TXNL1: variants seen among roughly 807,000 people sequenced by gnomAD.
TXNL1 encodes the protein thioredoxin-like protein 1.
A neutral mutation model predicts 35.5 loss-of-function variants in TXNL1; 14 were observed. The ratio of observed to expected loss-of-function variants is 0.39; its 90% CI spans 0.26 to 0.62. The LOEUF is 0.62. TXNL1 is among the 20% of genes least tolerant of loss of function. The probability of loss-of-function intolerance (pLI) is 0.47; values close to 1 mark genes in which losing one functional copy is unlikely to be tolerated. For synonymous variants in TXNL1, 110 were observed against 115.5 expected, an observed-to-expected ratio of 0.95 and a Z score of 0.31; for missense variants, 263 against 349.7, an observed-to-expected ratio of 0.75 and a Z score of 1.98.
At chr18:56,603,749 G>T (rs1300160419) in intron 7 of TXNL1, among the ~76,000 whole-genome samples, 1 of 152,068 alleles carries the variant, frequency 6.6e-6, no homozygotes, top group Non-Finnish European at 1.5e-5. Context: ...ATTCTCTGCA[G>T]GAGAGTTTGA....
chr18:56,602,995 T>A lies in TXNL1; in HGVS notation c.*32A>T, dbSNP rs769524156. 1 of 1,612,540 alleles carries A rather than the reference T, an allele frequency of 6.2e-7. No homozygotes were observed. The highest frequency in any genetic ancestry group is 2.2e-5 in the East Asian group (1 of 44,818). ...AATTATCCAGGAGCTGTAGATCTGA[T>A]TGCAATATGGTTGTCCAGTGTCTTT... On this transcript the variant is annotated 3_prime_UTR_variant, in exon 8 of 8. Coordinates refer to ENST00000217515, the MANE Select transcript of TXNL1 (RefSeq NM_004786.3).
In TXNL1 at chr18:56,610,916, T is replaced by C. The variant is rs1014438253; in HGVS notation, c.840+77A>G. 42 of 937,240 alleles carry C rather than the reference T, an allele frequency of 4.5e-5. No individual in the cohort carries two copies. In the Admixed American group the frequency reaches 1.3e-3, roughly 28 times the overall value. The allele number at this position is 937,240 out of a possible 1,614,324, so 58.1% of individuals were successfully genotyped here. ...TGAATTATTTTGTTAAAAGAAAGTGTGACAGTTGAGATACATGAAATTATT... is the reference window on the plus strand; with the variant it reads ...TGAATTATTTTGTTAAAAGAAAGTGCGACAGTTGAGATACATGAAATTATT... On this transcript the variant is annotated intron_variant, in intron 7 of 7. Transcript: ENST00000217515.
intron 1 of TXNL1, among the ~76,000 whole-genome samples, chr18:56,635,771 G>A (rs1308279038): frequency 1.3e-5 from 2 of 152,086 alleles, no homozygotes; most frequent in African/African-American, 4.8e-5. Context: ...TGGGTATCTG[G>A]GGGATTAGTT....
intron 7 of TXNL1, among the ~76,000 whole-genome samples, 155 bp from the exon 8 acceptor site, chr18:56,603,211 A>T (rs946662665): frequency 6.7e-6 from 1 of 149,400 alleles, no homozygotes; most frequent in Non-Finnish European, 1.5e-5. Flanking sequence ...GCAAACTGTG[A>T]CCTCCCCTCC....
intron 6 of TXNL1, among the ~76,000 whole-genome samples, chr18:56,614,120 T>A (rs1378669430): frequency 1.3e-5 from 2 of 152,198 alleles, no homozygotes. Context: ...ATACCAGGTA[T>A]AAAGAATAAA....
intron 3 of TXNL1, 109 bp downstream of exon 3, chr18:56,624,179 C>A (rs1218490229): frequency 4.0e-6 from 5 of 1,244,800 alleles, no homozygotes. Flanking sequence ...TAAAAGTATT[C>A]TAAACCAGTA....
In TXNL1 at chr18:56,602,754, C is replaced by T. The variant is rs1255373734; in HGVS notation, c.*273G>A. On this transcript the variant is annotated 3_prime_UTR_variant, in exon 8 of 8. Coordinates refer to ENST00000217515, the MANE Select transcript of TXNL1 (RefSeq NM_004786.3). ...ATACTACCAGACACTTAAGTCTCTA[C>T]TAAAATCAGAAGTTAACCAGTTTTC... 3.7e-6 allele frequency: 2 copies of T among 536,342 alleles called. No homozygotes were observed. The highest frequency in any genetic ancestry group is 3.3e-5 in the East Asian group (1 of 30,662). 33.2% of individuals were successfully genotyped at this position (536,342 alleles called of 1,614,324 possible).
At chr18:56,613,685 G>A (rs1021558024) in intron 6 of TXNL1, among the ~76,000 whole-genome samples, 2 of 152,038 alleles carry the variant, frequency 1.3e-5, no homozygotes, top group Non-Finnish European at 2.9e-5. Context: ...GAGGTGGCAC[G>A]TGCCTGCGGT....
intron 1 of TXNL1, among the ~76,000 whole-genome samples, chr18:56,633,446 CAAAAAA>C (rs57445949): frequency 1.3e-5 from 1 of 74,374 alleles, no homozygotes; most frequent in Non-Finnish European, 2.6e-5. Flanking sequence ...GACTCTGTCT[CAAAAAA>C]AAAAAAAAAA....
chr18:56,630,409 A>G (rs2024352619), intron 1 of TXNL1, among the ~76,000 whole-genome samples: 1 of 152,222 alleles, frequency 6.6e-6, no homozygotes, highest in South Asian at 2.1e-4. Flanking sequence ...GAGAAAATGC[A>G]ACACTGAAAA....
rs199826655 is a variant in TXNL1, at chr18:56,624,229, C to T, written c.369+59G>A. ...GAAACATAGTTATATTTCATTTTAGCCCAATAATGACATGTACAAGATATT... is the reference window on the plus strand; with the variant it reads ...GAAACATAGTTATATTTCATTTTAGTCCAATAATGACATGTACAAGATATT... On this transcript the variant is annotated intron_variant, in intron 3 of 7. Coordinates refer to ENST00000217515, the MANE Select transcript of TXNL1 (RefSeq NM_004786.3). The T allele has an allele frequency of 8.7e-5, 129 of 1,479,776 alleles. No individual in the cohort carries two copies. In the East Asian group the frequency reaches 2.8e-3, roughly 32 times the overall value. 91.7% of individuals were successfully genotyped at this position (1,479,776 alleles called of 1,614,324 possible). A position where few individuals can be genotyped will look rare whatever the true frequency, so the allele number is the denominator to read the frequency against.
intron 3 of TXNL1, among the ~76,000 whole-genome samples, chr18:56,623,895 C>T (rs1323885296): frequency 6.7e-6 from 1 of 150,002 alleles, no homozygotes; most frequent in African/African-American, 2.5e-5. Flanking sequence ...GAGTTAATGG[C>T]CATAACTAAA....
intron 1 of TXNL1, among the ~76,000 whole-genome samples, chr18:56,629,604 AAGAC>A (rs772686148): frequency 1.3e-5 from 2 of 152,332 alleles, no homozygotes; most frequent in African/African-American, 4.8e-5. Flanking sequence ...AGGGGGTAAA[AAGAC>A]AGAGACAGGC....
chr18:56,606,261 C>T (rs2023891339), intron 7 of TXNL1, among the ~76,000 whole-genome samples: 1 of 152,070 alleles, frequency 6.6e-6, no homozygotes, highest in Non-Finnish European at 1.5e-5. Context: ...CCTGTAGTCC[C>T]AGCTGCTACA....
chr18:56,626,282 GAT>G, intron 2 of TXNL1, 77 bp downstream of exon 2: 3 of 1,542,622 alleles, frequency 1.9e-6, no homozygotes, highest in Non-Finnish European at 2.6e-6. Flanking sequence ...TGCATCAAGA[GAT>G]AAATGAAGAA....
rs932523729 is a variant in TXNL1, at chr18:56,611,131, T to G, written c.736-34A>C. 58 of 1,340,164 alleles carry G rather than the reference T, an allele frequency of 4.3e-5. 1 individual carries two copies. In the East Asian group the frequency reaches 1.4e-3, roughly 32 times the overall value. 83.0% of individuals were successfully genotyped at this position (1,340,164 alleles called of 1,614,324 possible). ...AAAAAGTTTGCATTTATAATTACAA[T>G]CCTTCTTCACAAACATGCTTTAAGT... On this transcript the variant is annotated intron_variant, in intron 6 of 7. Transcript: ENST00000217515.
chr18:56,600,542 G>T lies in TXNL1; in HGVS notation c.*2485C>A, dbSNP rs922870689. Reference sequence around the variant, plus strand: ...GAGACTGGGGAACAACGTGGGGCAGGTTTCAACTCTAATTGTTATGTGGCT... The same window carrying T: ...GAGACTGGGGAACAACGTGGGGCAGTTTTCAACTCTAATTGTTATGTGGCT... On this transcript the variant is annotated 3_prime_UTR_variant, in exon 8 of 8. Coordinates refer to ENST00000217515, the MANE Select transcript of TXNL1 (RefSeq NM_004786.3). 12 of 151,838 alleles carry T rather than the reference G, an allele frequency of 7.9e-5. 1 individual carries two copies. The highest frequency in any genetic ancestry group is 2.9e-4 in the African/African-American group (12 of 41,158). 9.4% of individuals were successfully genotyped at this position (151,838 alleles called of 1,614,324 possible).
chr18:56,638,427 T>G lies in TXNL1; in HGVS notation c.14A>C (p.Lys5Thr). The change falls in exon 1 of 8, where the codon AAG (lysine) becomes ACG (threonine). Residue 5 changes from lysine to threonine, a missense_variant. Lys to Thr is a moderately conservative substitution (Grantham distance 78). Transcript: ENST00000217515. ...GAAATCCGGGTCGCTCCCGACGGGCTTCACCCCCACCATCCTCACAGAGAG... is the reference window on the plus strand; with the variant it reads ...GAAATCCGGGTCGCTCCCGACGGGCGTCACCCCCACCATCCTCACAGAGAG... MVGV[K>T]PVGSDPDFQP... The G allele has an allele frequency of 8.7e-6, 14 of 1,613,002 alleles. No individual in the cohort carries two copies. Among genetic ancestry groups the G allele is most frequent in the Non-Finnish European group, 1.2e-5 (14 of 1,179,474 alleles).
intron 3 of TXNL1, among the ~76,000 whole-genome samples, chr18:56,623,264 C>T (rs914597040): frequency 4.6e-5 from 7 of 151,978 alleles, no homozygotes; most frequent in African/African-American, 7.2e-5. Context: ...CTCGTCTCTA[C>T]GAAAAATACA....
Sources: allele counts gnomAD v4.1 joint callset (sites outside exome capture counted in the v4.1 genomes callset), GRCh38; gene constraint gnomAD v4.1.1; transcripts MANE v1.5; gene names NCBI Gene and HGNC (gene_info 2026-07-23, HGNC 2026-07-21).